ST8SIA6: variants seen among roughly 807,000 people sequenced by gnomAD.
ST8SIA6 encodes the protein alpha-2,8-sialyltransferase 8F.
A neutral mutation model predicts 33.6 loss-of-function variants in ST8SIA6; 39 were observed. The ratio of observed to expected loss-of-function variants is 1.16; its 90% confidence interval spans 0.90 to 1.52. ST8SIA6 has a LOEUF of 1.52. Among genes scored for constraint, ST8SIA6 ranks in the 40% most tolerant of loss-of-function variants. The probability of loss-of-function intolerance (pLI) is 0.00; values close to 1 mark genes in which losing one functional copy is unlikely to be tolerated. For missense variants in ST8SIA6, 441 were observed against 443.8 expected, an observed-to-expected ratio of 0.99 and a Z score of 0.06; for synonymous variants, 172 against 167.2, an observed-to-expected ratio of 1.03 and a Z score of -0.22.
rs559371514 is a variant in ST8SIA6 at position 17,335,081 on chromosome 10, A to G, written c.378-3529T>C. Among the ~76,000 whole-genome samples the G allele has an allele frequency of 3.3e-4, 50 of 152,350 alleles. No individual in the cohort carries two copies. The South Asian group carries it at 6.2e-3, about 19-fold the overall frequency. On this transcript the variant is annotated intron_variant, in intron 4 of 7. Coordinates refer to ENST00000377602, the MANE Select transcript of ST8SIA6 (RefSeq NM_001004470.3). ...ACGTACTTGAAAATGGAAATCAAGC[A>G]AAGCTTTAGCCTTTTTCAGTCTTGC...
chr10:17,387,782 T>C (rs1006642577), intron 3 of ST8SIA6, among the ~76,000 whole-genome samples: 5 of 152,150 alleles, frequency 3.3e-5, no homozygotes, highest in Admixed American at 3.3e-4. Context: ...AGGAGAGAGA[T>C]TGCAACTCCT....
intron 2 of ST8SIA6, among the ~76,000 whole-genome samples, chr10:17,430,938 A>C (rs932904479): frequency 6.6e-6 from 1 of 152,192 alleles, no homozygotes; most frequent in African/African-American, 2.4e-5. Context: ...ACAGTGGCCC[A>C]AAGCCATTCC....
At chr10:17,391,428 T>G (rs935106407) in intron 2 of ST8SIA6, among the ~76,000 whole-genome samples, 12 of 151,548 alleles carry the variant, frequency 7.9e-5, no homozygotes, top group Non-Finnish European at 1.5e-4. Context: ...GCCCGGCTAA[T>G]TTTTTGTATT....
chr10:17,432,524 A>G (rs1045705032), intron 2 of ST8SIA6, among the ~76,000 whole-genome samples: 8 of 152,260 alleles, frequency 5.3e-5, no homozygotes, highest in African/African-American at 1.9e-4. Flanking sequence ...TGCTAAAAAC[A>G]TGCTAGCAGG....
intron 2 of ST8SIA6, among the ~76,000 whole-genome samples, chr10:17,396,736 G>T (rs1329019628): frequency 6.6e-6 from 1 of 151,910 alleles, no homozygotes; most frequent in African/African-American, 2.4e-5. Flanking sequence ...AAAAACAAAC[G>T]AAATCACCCA....
chr10:17,327,646 G>A (rs1217554977), intron 5 of ST8SIA6, among the ~76,000 whole-genome samples: 1 of 146,382 alleles, frequency 6.8e-6, no homozygotes, highest in Non-Finnish European at 1.5e-5. Flanking sequence ...GCTCACATCT[G>A]TAATCCCAGC....
intron 4 of ST8SIA6, among the ~76,000 whole-genome samples, chr10:17,354,945 T>C (rs1849147462): frequency 6.6e-6 from 1 of 152,168 alleles, no homozygotes; most frequent in Non-Finnish European, 1.5e-5. Context: ...GGGTAAAAGC[T>C]GAAGGAAGTT....
At chr10:17,344,114 C>T (rs1848760744) in intron 4 of ST8SIA6, among the ~76,000 whole-genome samples, 1 of 152,158 alleles carries the variant, frequency 6.6e-6, no homozygotes, top group Non-Finnish European at 1.5e-5. Context: ...TAGCTGTGTG[C>T]TCTTAATACT....
chr10:17,324,233 A>C (rs1267350072), intron 6 of ST8SIA6, among the ~76,000 whole-genome samples: 1 of 152,152 alleles, frequency 6.6e-6, no homozygotes, highest in African/African-American at 2.4e-5. Context: ...AGGTTGTTCA[A>C]AGTTGATGTG....
At chr10:17,402,320 C>T (rs943126047) in intron 2 of ST8SIA6, among the ~76,000 whole-genome samples, 10 of 152,190 alleles carry the variant, frequency 6.6e-5, no homozygotes, top group East Asian at 1.9e-4. Context: ...AACACTTTTA[C>T]ACTGTTGGTG....
At chr10:17,326,375 G>A (rs754376664) in intron 6 of ST8SIA6, among the ~76,000 whole-genome samples, 3 of 152,164 alleles carry the variant, frequency 2.0e-5, no homozygotes, top group Non-Finnish European at 2.9e-5. Context: ...CACTGAGACA[G>A]TGGAGATGCT....
chr10:17,350,578 A>C (rs1848996711), intron 4 of ST8SIA6, among the ~76,000 whole-genome samples: 1 of 152,212 alleles, frequency 6.6e-6, no homozygotes, highest in African/African-American at 2.4e-5. Flanking sequence ...TAGGGATTCC[A>C]AAGGCAGGAA....
chr10:17,321,482 G>T, intron 7 of ST8SIA6, 136 bp from the exon 8 acceptor site: 1 of 655,116 alleles, frequency 1.5e-6, no homozygotes, highest in Non-Finnish European at 2.5e-6. Context: ...GATAAAGTGT[G>T]GACTCAGAGA....
At chr10:17,332,782 T>C (rs1054149311) in intron 4 of ST8SIA6, among the ~76,000 whole-genome samples, 1 of 152,226 alleles carries the variant, frequency 6.6e-6, no homozygotes, top group Non-Finnish European at 1.5e-5. Context: ...GGTATTTCAC[T>C]GTGGTTTTGA....
intron 2 of ST8SIA6, among the ~76,000 whole-genome samples, chr10:17,401,044 C>T (rs1439637706): frequency 6.6e-6 from 1 of 152,152 alleles, no homozygotes; most frequent in East Asian, 1.9e-4. Flanking sequence ...TCGTCTCAGC[C>T]CAAAATCTCC....
At chr10:17,340,195 C>T (rs971904996) in intron 4 of ST8SIA6, among the ~76,000 whole-genome samples, 1 of 152,192 alleles carries the variant, frequency 6.6e-6, no homozygotes, top group Non-Finnish European at 1.5e-5. Context: ...CTCTTCGTCT[C>T]CTTGCCCCTA....
chr10:17,343,423 A>G (rs1167568792), intron 4 of ST8SIA6, among the ~76,000 whole-genome samples: 2 of 152,250 alleles, frequency 1.3e-5, no homozygotes, highest in African/African-American at 4.8e-5. Flanking sequence ...AAAAGGTAAT[A>G]GAAAACTATT....
intron 2 of ST8SIA6, among the ~76,000 whole-genome samples, chr10:17,450,777 A>C (rs980301712): frequency 6.6e-6 from 1 of 152,222 alleles, no homozygotes; most frequent in African/African-American, 2.4e-5. Context: ...ATGAGATGGT[A>C]GGAGCAATCC....
chr10:17,435,119 T>C (rs1001603331), intron 2 of ST8SIA6, among the ~76,000 whole-genome samples: 8 of 152,220 alleles, frequency 5.3e-5, no homozygotes, highest in African/African-American at 1.7e-4. Flanking sequence ...TTGTTGCTGC[T>C]GCATATCTGA....
Sources: allele counts gnomAD v4.1 joint callset (sites outside exome capture counted in the v4.1 genomes callset), GRCh38; gene constraint gnomAD v4.1.1; transcripts MANE v1.5; gene names NCBI Gene and HGNC (gene_info 2026-07-23, HGNC 2026-07-21).